TBCK: variants seen among roughly 807,000 people sequenced by gnomAD.
TBCK encodes TBC domain-containing protein kinase-like protein.
TBCK carries 99 observed loss-of-function variants against 113.4 expected under a neutral mutation model. That is an observed-to-expected ratio of 0.87 (90% CI 0.74 to 1.03). The LOEUF (loss-of-function observed/expected upper bound fraction) is 1.03, where lower values mean the gene tolerates loss of function less well. Ranked by LOEUF, TBCK falls within the 50% of genes least tolerant of loss-of-function variation. The probability of loss-of-function intolerance (pLI) is 0.00; values close to 1 mark genes in which losing one functional copy is unlikely to be tolerated. For missense variants in TBCK, 1,045 were observed against 1,061.3 expected (o/e 0.98, Z 0.21); for synonymous variants, 369 against 370.8 (o/e 1.00, Z 0.05).
chr4:106,139,900 G>T (rs986624763), intron 23 of TBCK, among the ~76,000 whole-genome samples: 13 of 140,412 alleles, frequency 9.3e-5, no homozygotes, highest in African/African-American at 3.3e-4. Context: ...AATTGGGCAT[G>T]AACAAGTACA....
intron 25 of TBCK, among the ~76,000 whole-genome samples, chr4:106,077,898 T>G (rs1738398992): frequency 6.6e-6 from 1 of 152,196 alleles, no homozygotes; most frequent in Admixed American, 6.5e-5. Flanking sequence ...AATGACATGC[T>G]AAACCATAAA....
chr4:106,195,099 G>A (rs986982284), intron 20 of TBCK, among the ~76,000 whole-genome samples: 12 of 152,042 alleles, frequency 7.9e-5, no homozygotes, highest in Admixed American at 2.0e-4. Context: ...CCACCATGTG[G>A]CTATGCTGGA....
At chr4:106,185,766 T>C (rs1007382708) in intron 22 of TBCK, among the ~76,000 whole-genome samples, 1 of 152,068 alleles carries the variant, frequency 6.6e-6, no homozygotes, top group Non-Finnish European at 1.5e-5. Flanking sequence ...AGTACATGTA[T>C]GGGTGTGTTA....
intron 1 of TBCK, among the ~76,000 whole-genome samples, chr4:106,314,918 CCCGA>C (rs1434366798): frequency 1.3e-5 from 2 of 152,174 alleles, no homozygotes; most frequent in South Asian, 2.1e-4. Flanking sequence ...AGCCACCGCG[CCCGA>C]CCATTTTATT....
rs143744714 is a variant in TBCK at position 106,178,970 on chromosome 4, GTA to G, written c.2060-7702_2060-7701del. ...CTTCATGGTTCAATCCTGCTAAGCT[GTA>G]TGTGTCCAGAAATTTATTCATCTCT... On this transcript the variant is annotated intron_variant, in intron 22 of 25. Coordinates refer to ENST00000394708, the MANE Select transcript of TBCK (RefSeq NM_001163435.3). 7.8e-3 allele frequency among the ~76,000 whole-genome samples: 1,189 copies of G among 152,016 alleles called. 14 individuals are homozygous for G. The highest frequency in any genetic ancestry group is 0.027 in the African/African-American group (1,138 of 41,514).
intron 22 of TBCK, among the ~76,000 whole-genome samples, chr4:106,192,784 T>G (rs1211646933): frequency 6.7e-6 from 1 of 148,494 alleles, no homozygotes; most frequent in East Asian, 2.0e-4. Context: ...ACCTTCCTTT[T>G]GTTTTTTATT....
At chr4:106,052,380 TAGA>T (rs898395194) in intron 25 of TBCK, among the ~76,000 whole-genome samples, 1 of 151,848 alleles carries the variant, frequency 6.6e-6, no homozygotes, top group Admixed American at 6.6e-5. Context: ...TGGGAGAGTC[TAGA>T]AGAATAGTCA....
At chr4:106,311,495 T>C (rs1209764083) in intron 1 of TBCK, among the ~76,000 whole-genome samples, 1 of 151,338 alleles carries the variant, frequency 6.6e-6, no homozygotes, top group Non-Finnish European at 1.5e-5. Context: ...AAACAAAAAA[T>C]AAAACAAATA....
At chr4:106,297,022 C>A (rs1766384803) in intron 2 of TBCK, among the ~76,000 whole-genome samples, 2 of 152,070 alleles carry the variant, frequency 1.3e-5, no homozygotes, top group African/African-American at 4.8e-5. Flanking sequence ...TTTCATCTTA[C>A]CACGTTTTGT....
chr4:106,148,947 T>C (rs1228924782), intron 23 of TBCK, among the ~76,000 whole-genome samples: 2 of 152,238 alleles, frequency 1.3e-5, no homozygotes, highest in Non-Finnish European at 2.9e-5. Context: ...AAATCTGCTG[T>C]ATAGTTGCTA....
chr4:106,259,155 T>C (rs1421664458), intron 5 of TBCK, among the ~76,000 whole-genome samples: 1 of 151,878 alleles, frequency 6.6e-6, no homozygotes. Context: ...AAGATTATTA[T>C]CTATGTCTTA....
At chr4:106,203,328 CAT>C (rs996185772) in intron 20 of TBCK, among the ~76,000 whole-genome samples, 4 of 150,542 alleles carry the variant, frequency 2.7e-5, no homozygotes, top group African/African-American at 4.9e-5. Flanking sequence ...GAATATATGA[CAT>C]AAAATTTTGG....
At chr4:106,151,963 A>G (rs1365321737) in intron 23 of TBCK, among the ~76,000 whole-genome samples, 1 of 151,794 alleles carries the variant, frequency 6.6e-6, no homozygotes, top group African/African-American at 2.4e-5. Context: ...TGAATTTATC[A>G]CTTCTAATAC....
chr4:106,249,039 C>A, intron 7 of TBCK, 57 bp from the exon 8 acceptor site: 2 of 1,291,096 alleles, frequency 1.5e-6, no homozygotes, highest in Non-Finnish European at 2.1e-6. Context: ...GTCCAACAAA[C>A]CAGAAAATAA....
intron 24 of TBCK, among the ~76,000 whole-genome samples, chr4:106,109,320 G>A (rs1003173593): frequency 8.6e-5 from 13 of 151,898 alleles, no homozygotes; most frequent in Non-Finnish European, 1.3e-4. Flanking sequence ...TATCCAAGAC[G>A]ATGCTAAGCA....
At position 106,247,297 on chromosome 4, in the gene TBCK, A is replaced by G; in HGVS notation, c.783-10T>C. ...TTGATCTGGGGTTGGCCTTGAGAAC[A>G]TTTAAAATACAGAGCATGAATGAAA... On this transcript the variant is annotated splice_polypyrimidine_tract_variant and intron_variant, in intron 9 of 25. Coordinates refer to ENST00000394708, the MANE Select transcript of TBCK (RefSeq NM_001163435.3). The G allele has an allele frequency of 6.2e-7, 1 of 1,609,992 alleles. No individual in the cohort carries two copies. The highest frequency in any genetic ancestry group is 8.5e-7 in the Non-Finnish European group (1 of 1,177,142).
At chr4:106,099,740 C>T (rs1362038670) in intron 24 of TBCK, among the ~76,000 whole-genome samples, 1 of 152,138 alleles carries the variant, frequency 6.6e-6, no homozygotes, top group African/African-American at 2.4e-5. Flanking sequence ...CCCATTACCC[C>T]TTGCCTATTT....
At chr4:106,105,759 G>A (rs1196792516) in intron 24 of TBCK, among the ~76,000 whole-genome samples, 1 of 148,838 alleles carries the variant, frequency 6.7e-6, no homozygotes, top group African/African-American at 2.5e-5. Context: ...TCTATTGACT[G>A]TACTCAATCT....
At chr4:106,134,527 T>C (rs981492713) in intron 23 of TBCK, among the ~76,000 whole-genome samples, 3 of 152,148 alleles carry the variant, frequency 2.0e-5, no homozygotes, top group Non-Finnish European at 4.4e-5. Context: ...CCTCCTATCC[T>C]TTATAAGGAG....
Sources: allele counts gnomAD v4.1 joint callset (sites outside exome capture counted in the v4.1 genomes callset), GRCh38; gene constraint gnomAD v4.1.1; transcripts MANE v1.5; gene names NCBI Gene and HGNC (gene_info 2026-07-23, HGNC 2026-07-21).